GSE1: variants seen among roughly 807,000 people sequenced by gnomAD.
GSE1 encodes the protein Gse1 coiled-coil protein.
A neutral mutation model predicts 112.6 loss-of-function variants in GSE1; 32 were observed. The observed-to-expected ratio is 0.28, with a 90% CI of 0.21 to 0.38. GSE1 has a LOEUF of 0.38. Among genes scored for constraint, GSE1 ranks in the 10% least tolerant of loss-of-function variants. The probability of loss-of-function intolerance (pLI) is 1.00; values close to 1 mark genes in which losing one functional copy is unlikely to be tolerated. For missense variants in GSE1, 2,348 were observed against 1,699.2 expected, an observed-to-expected ratio of 1.38 and a Z score of -6.71; for synonymous variants, 1,115 against 735.6, an observed-to-expected ratio of 1.52 and a Z score of -8.35.
intron 2 of GSE1, among the ~76,000 whole-genome samples, chr16:85,383,567 C>T (rs902969597): frequency 4.4e-5 from 4 of 89,946 alleles, no homozygotes; most frequent in Non-Finnish European, 7.7e-5. Context: ...CTCTCTCTCT[C>T]TCTCTCTGAC....
chr16:85,629,692 G>A (rs1261514506), intron 1 of GSE1, among the ~76,000 whole-genome samples: 1 of 152,216 alleles, frequency 6.6e-6, no homozygotes, highest in Non-Finnish European at 1.5e-5. Context: ...TCTGAGGAAT[G>A]TGGGAAAGGG....
chr16:85,475,006 C>T (rs542576348), intron 2 of GSE1, among the ~76,000 whole-genome samples: 1 of 152,252 alleles, frequency 6.6e-6, no homozygotes, highest in African/African-American at 2.4e-5. Context: ...TCTCCTGATG[C>T]AGTCAGGGCG....
chr16:85,645,667 G>A (rs1282484640), intron 2 of GSE1, among the ~76,000 whole-genome samples: 4 of 152,214 alleles, frequency 2.6e-5, no homozygotes, highest in African/African-American at 9.6e-5. Context: ...GAATGTGCGC[G>A]TGCCCACTCC....
chr16:85,246,233 A>ACAC (rs1286067874), intron 1 of GSE1, among the ~76,000 whole-genome samples: 2 of 134,384 alleles, frequency 1.5e-5, no homozygotes, highest in African/African-American at 5.7e-5. Context: ...ACACACACAC[A>ACAC]CACACGCACA....
At chr16:85,656,213 C>T (rs1434656542) in intron 6 of GSE1, 130 bp from the exon 7 acceptor site, 24 of 1,182,200 alleles carry the variant, frequency 2.0e-5, no homozygotes, top group Non-Finnish European at 2.4e-5. Context: ...CAGTGAAACC[C>T]GGCTCACCTC....
intron 1 of GSE1, among the ~76,000 whole-genome samples, chr16:85,308,399 T>C (rs1267133817): frequency 6.6e-6 from 1 of 152,134 alleles, no homozygotes; most frequent in Non-Finnish European, 1.5e-5. Context: ...ACAGAGAAGC[T>C]TCTGTTTTGG....
At chr16:85,226,231 T>A (rs2075483388) in intron 1 of GSE1, among the ~76,000 whole-genome samples, 1 of 152,196 alleles carries the variant, frequency 6.6e-6, no homozygotes, top group South Asian at 2.1e-4. Flanking sequence ...AGGAGTGATA[T>A]CTGGATGAAA....
At chr16:85,485,552 C>T (rs2151882017) in intron 2 of GSE1, among the ~76,000 whole-genome samples, 1 of 152,368 alleles carries the variant, frequency 6.6e-6, no homozygotes, top group South Asian at 2.1e-4. Context: ...ATCCCGCAGG[C>T]CCGGCTGCCG....
intron 2 of GSE1, among the ~76,000 whole-genome samples, chr16:85,404,385 G>C (rs1261892671): frequency 1.0e-4 from 1 of 9,864 alleles, no homozygotes; most frequent in East Asian, 4.9e-3. Context: ...AATCCTCACT[G>C]TTACACTCAG....
chr16:85,430,034 T>G (rs2049082812), intron 2 of GSE1, among the ~76,000 whole-genome samples: 1 of 152,232 alleles, frequency 6.6e-6, no homozygotes. Flanking sequence ...TTCATTCTCC[T>G]GTCTCTTCAC....
chr16:85,396,355 A>G (rs2047965717), intron 2 of GSE1, among the ~76,000 whole-genome samples: 1 of 152,210 alleles, frequency 6.6e-6, no homozygotes, highest in South Asian at 2.1e-4. Context: ...CCCAGCGCAG[A>G]CAGGCCCTGT....
upstream of GSE1, among the ~76,000 whole-genome samples, chr16:85,608,876 C>T (rs1228253402): frequency 2.0e-5 from 3 of 152,350 alleles, no homozygotes; most frequent in African/African-American, 7.2e-5. Flanking sequence ...GCCCAGGCAA[C>T]ATAATGAAGG....
intron 2 of GSE1, among the ~76,000 whole-genome samples, chr16:85,367,639 C>T (rs1021941199): frequency 1.3e-5 from 2 of 152,206 alleles, no homozygotes; most frequent in African/African-American, 4.8e-5. Context: ...TATGCAAGGG[C>T]CCCGGGGCAG....
At chr16:85,280,950 C>T (rs1020910726) in intron 1 of GSE1, among the ~76,000 whole-genome samples, 1 of 152,136 alleles carries the variant, frequency 6.6e-6, no homozygotes, top group African/African-American at 2.4e-5. Context: ...CGTTGCCTGC[C>T]CAGGTCTTCC....
At chr16:85,663,156 C>A (rs780562952) in intron 10 of GSE1, 63 bp downstream of exon 10, 11 of 1,283,664 alleles carry the variant, frequency 8.6e-6, no homozygotes, top group Middle Eastern at 2.1e-4. Flanking sequence ...GCGTCCACAC[C>A]CTGCAGTCCA....
chr16:85,635,857 G>A (rs1162139163), intron 2 of GSE1, among the ~76,000 whole-genome samples: 5 of 152,208 alleles, frequency 3.3e-5, no homozygotes, highest in East Asian at 3.8e-4. Flanking sequence ...TTCCCTCCTC[G>A]CCAAGGAAGG....
Position 85,525,260 on chromosome 16 carries a change from AC to A in GSE1, c.2465-108653del, listed in dbSNP as rs149778726. 6.2e-3 allele frequency among the ~76,000 whole-genome samples: 945 copies of A among 151,696 alleles called. 9 individuals carry two copies. Among genetic ancestry groups the A allele is most frequent in the African/African-American group, 0.019 (796 of 41,364 alleles). Reference sequence around the variant, plus strand: ...CCTCTGGCTCACTTGTCCCCCCCCCACTGATGGTGAGGTGACCGCCGGGGGC... The same window carrying A: ...CCTCTGGCTCACTTGTCCCCCCCCCATGATGGTGAGGTGACCGCCGGGGGC... On this transcript the variant is annotated intron_variant, in intron 2 of 2. Coordinates refer to the GSE1 transcript ENST00000637419.
chr16:85,404,935 A>G (rs1318844764), intron 2 of GSE1, among the ~76,000 whole-genome samples: 2 of 29,668 alleles, frequency 6.7e-5, no homozygotes, highest in African/African-American at 2.6e-4. Context: ...CCCCCTGGAT[A>G]ATCCTCACTG....
chr16:85,461,460 C>T (rs1293335571), intron 2 of GSE1, among the ~76,000 whole-genome samples: 2 of 150,876 alleles, frequency 1.3e-5, no homozygotes, highest in African/African-American at 5.0e-5. Context: ...ATGGCTGGGT[C>T]CATGCCCAGA....
Sources: gnomAD v4.1 joint callset for allele counts (sites outside exome capture counted in the v4.1 genomes callset) on GRCh38, gnomAD v4.1.1 for gene constraint, MANE v1.5 for transcripts, NCBI Gene and HGNC (gene_info 2026-07-23, HGNC 2026-07-21) for gene names.